Variants in LYPLAL1 observed in about 807,000 individuals in gnomAD.
LYPLAL1 encodes lysophospholipase-like protein 1.
LYPLAL1 carries 23 observed loss-of-function variants against 19.7 expected under a neutral mutation model. That is an observed-to-expected ratio of 1.17 (90% confidence interval 0.84 to 1.65). The LOEUF (loss-of-function observed/expected upper bound fraction) is 1.65, where lower values mean the gene tolerates loss of function less well. Among genes scored for constraint, LYPLAL1 ranks in the 40% most tolerant of loss-of-function variants. The probability of loss-of-function intolerance (pLI) is 0.00; values close to 1 mark genes in which losing one functional copy is unlikely to be tolerated. For missense variants in LYPLAL1, 355 were observed against 279.4 expected, an observed-to-expected ratio of 1.27 and a Z score of -1.93; for synonymous variants, 119 against 96.3, an observed-to-expected ratio of 1.24 and a Z score of -1.38.
At chr1:219,319,022 C>G in the LYPLAL1 span, among the ~76,000 whole-genome samples, 1 of 152,008 alleles carries the variant, frequency 6.6e-6, no homozygotes, top group Non-Finnish European at 1.5e-5. Flanking sequence ...TCGCAGTTAT[C>G]TTTTTTTTCA....
At chr1:219,235,460 A>C in the LYPLAL1 span, among the ~76,000 whole-genome samples, 3 of 152,214 alleles carry the variant, frequency 2.0e-5, no homozygotes, top group African/African-American at 7.2e-5. Flanking sequence ...ATCAATGTGG[A>C]AGAATAGGCT....
the LYPLAL1 span, chr1:219,222,517 C>T: frequency 6.6e-6 from 1 of 152,162 alleles, no homozygotes; most frequent in Admixed American, 6.5e-5. Context: ...CTGCCATCTT[C>T]AAATGGATCA....
the LYPLAL1 span, among the ~76,000 whole-genome samples, chr1:219,383,556 A>G: frequency 6.6e-6 from 1 of 152,204 alleles, no homozygotes; most frequent in African/African-American, 2.4e-5. Context: ...TACATTCCCT[A>G]ATATTCAACA....
chr1:219,190,155 G>A (rs1423235527), intron 2 of LYPLAL1, among the ~76,000 whole-genome samples: 5 of 151,478 alleles, frequency 3.3e-5, no homozygotes. Context: ...TTGAGTGACT[G>A]TTCCCCCGCC....
the LYPLAL1 span, among the ~76,000 whole-genome samples, chr1:219,358,222 A>G: frequency 8.5e-5 from 13 of 152,330 alleles, no homozygotes; most frequent in African/African-American, 2.6e-4. Flanking sequence ...TCTTCTAACT[A>G]TATTACAAAA....
the LYPLAL1 span, among the ~76,000 whole-genome samples, chr1:219,336,467 G>A: frequency 6.6e-6 from 1 of 151,888 alleles, no homozygotes; most frequent in Non-Finnish European, 1.5e-5. Context: ...CCTGGGATAT[G>A]TTATGCACTC....
chr1:219,283,870 G>A, the LYPLAL1 span, among the ~76,000 whole-genome samples: 2 of 152,160 alleles, frequency 1.3e-5, no homozygotes, highest in African/African-American at 4.8e-5. Context: ...AGTGGGTAAT[G>A]TAGATGTTCT....
At chr1:219,432,759 T>C in the LYPLAL1 span, among the ~76,000 whole-genome samples, 1 of 152,192 alleles carries the variant, frequency 6.6e-6, no homozygotes, top group African/African-American at 2.4e-5. Flanking sequence ...TTTTCCCTTT[T>C]AAAGTTAAGC....
chr1:219,305,058 T>C, the LYPLAL1 span, among the ~76,000 whole-genome samples: 1 of 152,264 alleles, frequency 6.6e-6, no homozygotes, highest in African/African-American at 2.4e-5. Context: ...GTTCGGCATA[T>C]CCCTCAACCT....
the LYPLAL1 span, among the ~76,000 whole-genome samples, chr1:219,325,159 T>C: frequency 2.6e-5 from 4 of 152,188 alleles, no homozygotes; most frequent in Non-Finnish European, 5.9e-5. Context: ...CCAGATTTAA[T>C]CTAAAATCTT....
At chr1:219,415,799 C>T in the LYPLAL1 span, among the ~76,000 whole-genome samples, 1 of 152,344 alleles carries the variant, frequency 6.6e-6, no homozygotes, top group South Asian at 2.1e-4. Context: ...TAGATTCTTT[C>T]CCTGCCTCTT....
chr1:219,402,252 A>G, the LYPLAL1 span, among the ~76,000 whole-genome samples: 1 of 152,296 alleles, frequency 6.6e-6, no homozygotes, highest in East Asian at 1.9e-4. Context: ...AATCATTTTT[A>G]AAATTTTTCC....
At chr1:219,336,588 G>A in the LYPLAL1 span, among the ~76,000 whole-genome samples, 1 of 151,802 alleles carries the variant, frequency 6.6e-6, no homozygotes, top group East Asian at 1.9e-4. Context: ...AGTTCCTTGG[G>A]CCAGCAAAAG....
chr1:219,189,596 G>A (rs1656986361), intron 2 of LYPLAL1, among the ~76,000 whole-genome samples: 1 of 151,544 alleles, frequency 6.6e-6, no homozygotes. Context: ...AGCTTCTGGG[G>A]TCAGAAGGCA....
At chr1:219,176,235 A>G (rs1469263752) in intron 1 of LYPLAL1, among the ~76,000 whole-genome samples, 2 of 152,194 alleles carry the variant, frequency 1.3e-5, no homozygotes, top group Admixed American at 6.5e-5. Context: ...AGTTTTGTTC[A>G]GTCTCTCAGA....
chr1:219,319,795 C>T, the LYPLAL1 span, among the ~76,000 whole-genome samples: 10 of 152,302 alleles, frequency 6.6e-5, no homozygotes, highest in East Asian at 1.4e-3. Context: ...CAGGATACAA[C>T]CATCCTTCAT....
the LYPLAL1 span, among the ~76,000 whole-genome samples, chr1:219,319,496 C>T: frequency 6.6e-6 from 1 of 152,148 alleles, no homozygotes; most frequent in African/African-American, 2.4e-5. Context: ...ATCCAACTAC[C>T]TATGCTGCGA....
the LYPLAL1 span, among the ~76,000 whole-genome samples, chr1:219,301,110 TG>T: frequency 6.6e-6 from 1 of 151,956 alleles, no homozygotes; most frequent in South Asian, 2.1e-4. Flanking sequence ...GAAATCAAAA[TG>T]GGTTGTCTTT....
At chr1:219,267,567 T>C in the LYPLAL1 span, among the ~76,000 whole-genome samples, 8 of 152,226 alleles carry the variant, frequency 5.3e-5, no homozygotes, top group Non-Finnish European at 1.2e-4. Flanking sequence ...TAAATGCCTC[T>C]CACATTTCAG....
Sources: gnomAD v4.1 joint callset for allele counts (sites outside exome capture counted in the v4.1 genomes callset) on GRCh38, gnomAD v4.1.1 for gene constraint, MANE v1.5 for transcripts, NCBI Gene and HGNC (gene_info 2026-07-23, HGNC 2026-07-21) for gene names.